Variants in RUFY1 observed in about 807,000 individuals in gnomAD.
RUFY1 encodes RUN and FYVE domain-containing protein 1.
RUFY1 carries 54 observed loss-of-function variants against 94.6 expected under a neutral mutation model. That is an observed-to-expected ratio of 0.57 (90% CI 0.46 to 0.72). The LOEUF (loss-of-function observed/expected upper bound fraction) is 0.72, where lower values mean the gene tolerates loss of function less well. Among genes scored for constraint, RUFY1 ranks in the 30% least tolerant of loss-of-function variants. The pLI is 0.00. For missense variants in RUFY1, 883 were observed against 883.9 expected (o/e 1.00, Z 0.01); for synonymous variants, 396 against 347.3 (o/e 1.14, Z -1.56).
At chr5:179,570,114 G>A (rs1475451887) in intron 5 of RUFY1, among the ~76,000 whole-genome samples, 2 of 151,748 alleles carry the variant, frequency 1.3e-5, no homozygotes, top group Admixed American at 6.6e-5. Context: ...TCCTGACCTC[G>A]TGATCCACCC....
Position 179,562,420 on chromosome 5 carries a change from A to C in RUFY1, c.485-127A>C, listed in dbSNP as rs560613281. 7.4e-6 allele frequency: 5 copies of C among 674,444 alleles called. No individual in the cohort carries two copies. In the East Asian group the frequency reaches 1.3e-4, roughly 17 times the overall value. 41.8% of individuals were successfully genotyped at this position (674,444 alleles called of 1,614,324 possible). ...GACTCCATCTCAAAAAAGATTTTTA[A>C]AAAAGGATTAAGCAGTGAAGTTTAG... On this transcript the variant is annotated intron_variant, in intron 2 of 17. Coordinates refer to ENST00000319449, the MANE Select transcript of RUFY1 (RefSeq NM_025158.5).
intron 15 of RUFY1, among the ~76,000 whole-genome samples, chr5:179,605,017 G>A (rs905587917): frequency 1.3e-5 from 2 of 151,518 alleles, no homozygotes; most frequent in Non-Finnish European, 2.9e-5. Flanking sequence ...AAAGGCTCAG[G>A]CCTATAATCC....
At chr5:179,577,435 G>A (rs1484216574) in intron 6 of RUFY1, among the ~76,000 whole-genome samples, 1 of 151,502 alleles carries the variant, frequency 6.6e-6, no homozygotes, top group Non-Finnish European at 1.5e-5. Context: ...AAAGTGCTGG[G>A]ATTACAGGCG....
intron 3 of RUFY1, 70 bp downstream of exon 3, chr5:179,562,734 C>A: frequency 1.2e-6 from 1 of 848,482 alleles, no homozygotes; most frequent in South Asian, 1.4e-5. Flanking sequence ...TTTCTCAATT[C>A]CTTGCTGATG....
At chr5:179,605,255 GGCAATATA>G (rs1385872064) in intron 15 of RUFY1, among the ~76,000 whole-genome samples, 1 of 149,672 alleles carries the variant, frequency 6.7e-6, no homozygotes, top group African/African-American at 2.5e-5. Flanking sequence ...TTCCAGCCTG[GGCAATATA>G]GCAAGATCCT....
rs1562136677 is a variant in RUFY1 at position 179,609,610 on chromosome 5, C to T, written c.*91C>T. The T allele has an allele frequency of 7.2e-6, 9 of 1,255,538 alleles. No individual in the cohort carries two copies. The highest frequency in any genetic ancestry group is 1.6e-5 in the South Asian group (1 of 62,244). 77.8% of individuals were successfully genotyped at this position (1,255,538 alleles called of 1,614,324 possible). On this transcript the variant is annotated 3_prime_UTR_variant, in exon 18 of 18. Coordinates refer to ENST00000319449, the MANE Select transcript of RUFY1 (RefSeq NM_025158.5). ...GAAATGTGTTCTTTCCCAAGAGTAT[C>T]AAAGGAAAGAATCAAATTTCTTGCC...
intron 9 of RUFY1, among the ~76,000 whole-genome samples, chr5:179,589,909 G>A (rs1764909415): frequency 6.6e-6 from 1 of 152,188 alleles, no homozygotes; most frequent in African/African-American, 2.4e-5. Context: ...CACCTGCCAT[G>A]TCCTCCATGA....
At chr5:179,585,022 T>C (rs1764486160) in intron 7 of RUFY1, among the ~76,000 whole-genome samples, 1 of 151,666 alleles carries the variant, frequency 6.6e-6, no homozygotes, top group Non-Finnish European at 1.5e-5. Context: ...TCCCAGCTAT[T>C]TGGGAGGCTG....
Position 179,550,569 on chromosome 5 carries a change from G to A in RUFY1, c.-1G>A. On this transcript the variant is annotated 5_prime_UTR_variant, in exon 1 of 18. Coordinates refer to ENST00000319449, the MANE Select transcript of RUFY1 (RefSeq NM_025158.5). ...CCGCTGGGTCACATGACACGGCCAA[G>A]ATGGCCGACCGGGAAGGCGGCTGCG... 2 of 810,444 alleles carry A rather than the reference G, an allele frequency of 2.5e-6. No homozygotes were observed. The highest frequency in any genetic ancestry group is 7.9e-5 in the Admixed American group (1 of 12,730). 50.2% of individuals were successfully genotyped at this position (810,444 alleles called of 1,614,324 possible).
At chr5:179,582,968 G>A (rs1286097131) in intron 7 of RUFY1, among the ~76,000 whole-genome samples, 2 of 152,048 alleles carry the variant, frequency 1.3e-5, no homozygotes, top group Non-Finnish European at 2.9e-5. Flanking sequence ...TTATGCCTGG[G>A]AACAGCTAGC....
In RUFY1 at chr5:179,585,308, G is replaced by A. The variant is rs561122732; in HGVS notation, c.957-488G>A. ...AAAAAGAAATAGGCCGGGCACAGTG[G>A]TTCATGCCTGTAGTCCCAGCACTTT... is the stretch of plus-strand genomic sequence containing the variant. On this transcript the variant is annotated intron_variant, in intron 7 of 17. Coordinates refer to ENST00000319449, the MANE Select transcript of RUFY1 (RefSeq NM_025158.5). 2.0e-5 allele frequency among the ~76,000 whole-genome samples: 3 copies of A among 152,282 alleles called. No homozygotes were observed. In the East Asian group the frequency reaches 5.8e-4, roughly 29 times the overall value.
chr5:179,553,343 C>T (rs533435124), intron 1 of RUFY1, among the ~76,000 whole-genome samples: 1 of 152,238 alleles, frequency 6.6e-6, no homozygotes, highest in Non-Finnish European at 1.5e-5. Flanking sequence ...TGCTCTGCTC[C>T]AGGCCGGGAA....
At position 179,560,163 on chromosome 5, in the gene RUFY1, T is replaced by C. The variant is rs1052929982; in HGVS notation, c.449T>C (p.Val150Ala). The C allele has an allele frequency of 6.2e-7, 1 of 1,614,014 alleles. No individual in the cohort carries two copies. Among genetic ancestry groups the C allele is most frequent in the Non-Finnish European group, 8.5e-7 (1 of 1,179,972 alleles). ...CATGCCCCCTTGCAGCAGTTCTTTG[T>C]AGTGATGGAGCACTGCCTCAAACAT... ...ADHAPLQQFF[V>A]VMEHCLKHGL... The change falls in exon 2 of 18, where the codon GTA becomes GCA. Residue 150 changes from valine (V) to alanine (A), a missense_variant. Physicochemically the swap from Val to Ala is moderately conservative, Grantham distance 64. Transcript: ENST00000319449.
intron 12 of RUFY1, among the ~76,000 whole-genome samples, chr5:179,595,556 T>G (rs545209838): frequency 2.0e-5 from 3 of 150,644 alleles, no homozygotes; most frequent in Admixed American, 2.0e-4. Flanking sequence ...TGTTCTTGTT[T>G]TTTTTTTTTT....
chr5:179,572,387 A>T (rs1025255274), intron 5 of RUFY1: 3 of 202,312 alleles, frequency 1.5e-5, no homozygotes, highest in African/African-American at 7.2e-5. Context: ...GTCTGGGTGG[A>T]CTTAGTTCAC....
intron 17 of RUFY1, 47 bp downstream of exon 17, chr5:179,607,706 C>G (rs72824532): frequency 6.7e-7 from 1 of 1,489,410 alleles, no homozygotes; most frequent in Non-Finnish European, 9.4e-7. Context: ...AGTCGTTGCC[C>G]GCTGGATTCC....
chr5:179,609,035 T>C (rs111606710), intron 17 of RUFY1, among the ~76,000 whole-genome samples: 12,248 of 151,540 alleles, frequency 0.081, 517 homozygotes, highest in Middle Eastern at 0.12. Context: ...CTGGCTAACA[T>C]GGTGAAACCC....
intron 7 of RUFY1, among the ~76,000 whole-genome samples, chr5:179,585,593 A>G (rs1764542614): frequency 6.6e-6 from 1 of 152,136 alleles, no homozygotes; most frequent in Non-Finnish European, 1.5e-5. Context: ...TAAAAAAAGA[A>G]AGATTAAATT....
At chr5:179,554,822 G>A (rs1762028481) in intron 1 of RUFY1, among the ~76,000 whole-genome samples, 1 of 152,012 alleles carries the variant, frequency 6.6e-6, no homozygotes, top group Non-Finnish European at 1.5e-5. Flanking sequence ...ACAAAAATTA[G>A]ATGGGCGTGG....
Sources: allele counts gnomAD v4.1 joint callset (sites outside exome capture counted in the v4.1 genomes callset), GRCh38; gene constraint gnomAD v4.1.1; transcripts MANE v1.5; gene names NCBI Gene and HGNC (gene_info 2026-07-23, HGNC 2026-07-21).